The following PNLDC1 variants were observed in gnomAD, a reference collection of about 807,000 sequenced individuals.
PNLDC1 encodes the protein PARN like ribonuclease domain containing exonuclease 1.
In PNLDC1, 70 loss-of-function variants were observed where a neutral mutation model predicts 82.0. That is an observed-to-expected ratio of 0.85 (90% CI 0.70 to 1.04). The LOEUF is 1.04. PNLDC1 is among the 50% of genes least tolerant of loss of function. The pLI is 0.00. For synonymous variants in PNLDC1, 280 were observed against 249.3 expected, an observed-to-expected ratio of 1.12 and a Z score of -1.16; for missense variants, 631 against 661.1, an observed-to-expected ratio of 0.95 and a Z score of 0.50.
chr6:159,814,131 C>G (rs1199146311), intron 12 of PNLDC1, among the ~76,000 whole-genome samples: 1 of 152,148 alleles, frequency 6.6e-6, no homozygotes, highest in African/African-American at 2.4e-5. Flanking sequence ...GCCTCCTGAA[C>G]TCTCTATGCT....
chr6:159,803,135 AT>A (rs948970333), intron 3 of PNLDC1, 135 bp from the exon 4 acceptor site: 22 of 643,138 alleles, frequency 3.4e-5, no homozygotes, highest in Non-Finnish European at 5.0e-5. Flanking sequence ...CTTTTTTGTC[AT>A]TAAAGATGTT....
intron 9 of PNLDC1, 22 bp from the exon 10 acceptor site, chr6:159,810,004 C>G (rs1781591495): frequency 6.3e-7 from 1 of 1,596,886 alleles, no homozygotes; most frequent in Non-Finnish European, 8.6e-7. Context: ...TTTTCTCTCA[C>G]CTGTTGATTT....
At chr6:159,812,556 C>T (rs910480847) in intron 11 of PNLDC1, among the ~76,000 whole-genome samples, 4 of 152,128 alleles carry the variant, frequency 2.6e-5, no homozygotes, top group Non-Finnish European at 5.9e-5. Flanking sequence ...GTTGGAATCA[C>T]GTGGAAAGTT....
chr6:159,800,472 C>T, intron 1 of PNLDC1, 89 bp downstream of exon 1: 4 of 1,438,170 alleles, frequency 2.8e-6, no homozygotes, highest in Non-Finnish European at 3.8e-6. Context: ...GTTGCCAGGC[C>T]ACAGGGCCTC....
chr6:159,803,284 T>C lies in PNLDC1; in HGVS notation c.222T>C (p.Phe74=). ...TCATTCTTCCAGGATTGTCTGTGTT[T>C]TCCGCTATTGAAGGAGAGGCAAACA... is the stretch of plus-strand genomic sequence containing the variant. ...FTVCQIGLSV[F]SAIEGEANKY... The change falls in exon 4 of 19, where the codon TTT becomes TTC. Residue 74 remains phenylalanine, a synonymous_variant. Coordinates refer to ENST00000392167, the MANE Select transcript of PNLDC1 (RefSeq NM_001271862.2). 3.1e-6 allele frequency: 5 copies of C among 1,614,110 alleles called. No individual in the cohort carries two copies. Among genetic ancestry groups the C allele is most frequent in the Non-Finnish European group, 4.2e-6 (5 of 1,179,972 alleles).
At position 159,820,625 on chromosome 6, in the gene PNLDC1, C is replaced by A; in HGVS notation, c.*108C>A. ...CTGTTTGCAGATGGATCTGTTTGGTCTTTTCTAGAAATTCTGTTATGTCCT... is the reference window on the plus strand; with the variant it reads ...CTGTTTGCAGATGGATCTGTTTGGTATTTTCTAGAAATTCTGTTATGTCCT... On this transcript the variant is annotated 3_prime_UTR_variant, in exon 19 of 19. Coordinates refer to ENST00000392167, the MANE Select transcript of PNLDC1 (RefSeq NM_001271862.2). 1 of 1,076,592 alleles carries A rather than the reference C, an allele frequency of 9.3e-7. No individual in the cohort carries two copies. Among genetic ancestry groups the A allele is most frequent in the Non-Finnish European group, 1.4e-6 (1 of 704,932 alleles). The allele number at this position is 1,076,592 out of a possible 1,614,324, so 66.7% of individuals were successfully genotyped here.
intron 13 of PNLDC1, 107 bp downstream of exon 13, chr6:159,816,140 G>GCCCCAC (rs1781812353): frequency 5.3e-5 from 14 of 264,248 alleles, no homozygotes; most frequent in African/African-American, 3.9e-4. Flanking sequence ...CCACCCACCC[G>GCCCCAC]CCACACCCCT....
chr6:159,817,139 A>G lies in PNLDC1; in HGVS notation c.1145A>G (p.Gln382Arg). ...VLLKVAHLLL[Q>R]KIYHIDPVPE... ...TTGAAAGTGGCACACTTGCTTCTAC[A>G]GAAGATATACCAGTAAGTGTTCTTT... is the stretch of plus-strand genomic sequence containing the variant. The change falls in exon 15 of 19, where the codon CAG (glutamine) becomes CGG (arginine). Residue 382 changes from glutamine to arginine, a missense_variant. Gln to Arg is a conservative substitution (Grantham distance 43). Transcript: ENST00000392167. 2 of 1,612,346 alleles carry G rather than the reference A, an allele frequency of 1.2e-6. No homozygotes were observed. Among genetic ancestry groups the G allele is most frequent in the Non-Finnish European group, 1.7e-6 (2 of 1,178,590 alleles).
rs563177786 is a variant in PNLDC1, at chr6:159,816,824, C to T, written c.1114+228C>T. ...GGAATACAGGTGCATGCCACCACAC[C>T]TGGCTAATTTTTGTATTTTTTGTAG... On this transcript the variant is annotated intron_variant, in intron 14 of 18. Coordinates refer to ENST00000392167, the MANE Select transcript of PNLDC1 (RefSeq NM_001271862.2). 1.0e-3 allele frequency among the ~76,000 whole-genome samples: 157 copies of T among 152,172 alleles called. 1 individual carries two copies. The highest frequency in any genetic ancestry group is 2.0e-3 in the Non-Finnish European group (133 of 68,008).
chr6:159,809,872 C>T (rs1229367229), intron 9 of PNLDC1, among the ~76,000 whole-genome samples, 154 bp from the exon 10 acceptor site: 1 of 152,150 alleles, frequency 6.6e-6, no homozygotes, highest in Non-Finnish European at 1.5e-5. Flanking sequence ...GTTGAACTAC[C>T]TTTCACAGAG....
chr6:159,820,547 G>A lies in PNLDC1; in HGVS notation c.*30G>A, dbSNP rs528375483. On this transcript the variant is annotated 3_prime_UTR_variant, in exon 19 of 19. Coordinates refer to ENST00000392167, the MANE Select transcript of PNLDC1 (RefSeq NM_001271862.2). The stretch of plus-strand genomic sequence containing the variant: ...AGCGAGGCCTCCTGCGGCCACCCTC[G>A]GGTCCCCATGCTCTCTGGGAGGTGT... The A allele has an allele frequency of 1.5e-5, 24 of 1,605,940 alleles. No individual in the cohort carries two copies. Among genetic ancestry groups the A allele is most frequent in the East Asian group, 2.2e-5 (1 of 44,850 alleles).
At position 159,820,525 on chromosome 6, in the gene PNLDC1, G is replaced by A. The variant is rs373154516; in HGVS notation, c.*8G>A. 74 of 1,614,038 alleles carry A rather than the reference G, an allele frequency of 4.6e-5. No homozygotes were observed. In the African/African-American group the frequency reaches 7.1e-4, roughly 15 times the overall value. ...GGAAGATCTGGTACCTGAGTGCAGC[G>A]AGGCCTCCTGCGGCCACCCTCGGGT... is the stretch of plus-strand genomic sequence containing the variant. On this transcript the variant is annotated 3_prime_UTR_variant, in exon 19 of 19. Transcript: ENST00000392167.
intron 5 of PNLDC1, 73 bp downstream of exon 5, chr6:159,804,161 G>A: frequency 1.3e-6 from 2 of 1,551,044 alleles, no homozygotes; most frequent in Non-Finnish European, 1.8e-6. Context: ...CTGTTGCCCA[G>A]GCTGGAGTGC....
chr6:159,800,549 G>A, intron 1 of PNLDC1, 166 bp downstream of exon 1: 3 of 1,349,206 alleles, frequency 2.2e-6, no homozygotes, highest in Non-Finnish European at 2.0e-6. Flanking sequence ...ACTTTGAGCA[G>A]CAAGTACACT....
chr6:159,808,673 G>C, intron 7 of PNLDC1, 67 bp from the exon 8 acceptor site: 1 of 1,432,492 alleles, frequency 7.0e-7, no homozygotes, highest in Non-Finnish European at 9.7e-7. Flanking sequence ...CTCCTCCAGG[G>C]CTTCTCTTGT....
rs1781381148 is a variant in PNLDC1, at chr6:159,804,608, T to G, written c.432T>G (p.Asp144Glu). ...AACAGGAGAAGAAAATTAGACACGA[T>G]ATCCTGACTGGGAACTGGAGAGTTC... is the stretch of plus-strand genomic sequence containing the variant. ...NEEQEKKIRHDILTGNWRVRS... is the reference protein window; with the variant it reads ...NEEQEKKIRHEILTGNWRVRS... The change falls in exon 6 of 19, where the codon GAT (aspartate) becomes GAG (glutamate). Residue 144 changes from aspartate (D) to glutamate (E), a missense_variant. Coordinates refer to ENST00000392167, the MANE Select transcript of PNLDC1 (RefSeq NM_001271862.2). 1 of 1,610,934 alleles carries G rather than the reference T, an allele frequency of 6.2e-7. No homozygotes were observed. The highest frequency in any genetic ancestry group is 1.7e-5 in the Admixed American group (1 of 59,984).
At chr6:159,809,910 A>G in intron 9 of PNLDC1, 116 bp from the exon 10 acceptor site, 2 of 829,684 alleles carry the variant, frequency 2.4e-6, no homozygotes, top group Non-Finnish European at 4.0e-6. Context: ...TGGAACTGTC[A>G]AGTGATCAGA....
chr6:159,799,579 A>G (rs1781159523), upstream of PNLDC1, among the ~76,000 whole-genome samples: 1 of 152,238 alleles, frequency 6.6e-6, no homozygotes, highest in Non-Finnish European at 1.5e-5. Flanking sequence ...AAGGGAGGAC[A>G]CTGTAAGGAA....
chr6:159,813,893 G>A lies in PNLDC1; in HGVS notation c.995+237G>A, dbSNP rs533380636. On this transcript the variant is annotated intron_variant, in intron 12 of 18. Transcript: ENST00000392167. ...TCTCTCAACCCCTGCCCCTCAAACAGTTGCGCGATTACTGTCCCCTTTTTC... is the reference window on the plus strand; with the variant it reads ...TCTCTCAACCCCTGCCCCTCAAACAATTGCGCGATTACTGTCCCCTTTTTC... 2.6e-5 allele frequency among the ~76,000 whole-genome samples: 4 copies of A among 152,228 alleles called. No individual in the cohort carries two copies. The East Asian group carries it at 7.7e-4, about 29-fold the overall frequency.
Sources: gnomAD v4.1 joint callset for allele counts (sites outside exome capture counted in the v4.1 genomes callset) on GRCh38, gnomAD v4.1.1 for gene constraint, MANE v1.5 for transcripts, NCBI Gene and HGNC (gene_info 2026-07-23, HGNC 2026-07-21) for gene names.